Variants in TMEM121B observed in about 807,000 individuals in gnomAD.
TMEM121B encodes the protein transmembrane protein 121B, also known as cat eye syndrome chromosome region, candidate 6.
TMEM121B carries 14 observed loss-of-function variants against 25.1 expected under a neutral mutation model. That is an observed-to-expected ratio of 0.56 (90% CI 0.37 to 0.87). The LOEUF is 0.87. TMEM121B is among the 40% of genes least tolerant of loss of function. TMEM121B has a pLI of 0.00. For missense variants in TMEM121B, 850 were observed against 854.6 expected (o/e 0.99, Z 0.07); for synonymous variants, 458 against 420.9 (o/e 1.09, Z -1.08).
At position 17,121,333 on chromosome 22, in the gene TMEM121B, G is replaced by C. The variant is rs1258892273; in HGVS notation, c.-206C>G. 54 of 355,570 alleles carry C rather than the reference G, an allele frequency of 1.5e-4. No homozygotes were observed. Among genetic ancestry groups the C allele is most frequent in the Non-Finnish European group, 2.4e-5 (5 of 206,322 alleles). 22.0% of individuals were successfully genotyped at this position (355,570 alleles called of 1,614,324 possible). On this transcript the variant is annotated 5_prime_UTR_variant, in exon 1 of 1. Coordinates refer to ENST00000331437, the MANE Select transcript of TMEM121B (RefSeq NM_031890.4). ...CGGGCGGCAGGGAGAGGGGGCAGGC[G>C]GTGAACCGAGCGGACCGCGGTGAAG...
At position 17,116,347 on chromosome 22, in the gene TMEM121B, A is replaced by T. The variant is rs1418222198; in HGVS notation, c.*3044T>A. The T allele has an allele frequency of 6.6e-6, 1 of 152,636 alleles. No individual in the cohort carries two copies. The highest frequency in any genetic ancestry group is 1.5e-5 in the Non-Finnish European group (1 of 68,042). 9.5% of individuals were successfully genotyped at this position (152,636 alleles called of 1,614,324 possible). ...CAGAACAGAGTCTGGTTTTATTTTT[A>T]AAAAGAGAAGGAAAAAAGTGATAAA... On this transcript the variant is annotated 3_prime_UTR_variant, in exon 1 of 1. Coordinates refer to ENST00000331437, the MANE Select transcript of TMEM121B (RefSeq NM_031890.4).
At position 17,116,711 on chromosome 22, in the gene TMEM121B, G is replaced by A. The variant is rs1176286620; in HGVS notation, c.*2680C>T. ...TTGCCCCTTCACTAGGGATGCCCTA[G>A]AAAGCAAGGGCAAAGGAAGCTTTAG... On this transcript the variant is annotated 3_prime_UTR_variant, in exon 1 of 1. Transcript: ENST00000331437. The A allele has an allele frequency of 1.3e-5, 2 of 152,320 alleles. No homozygotes were observed. The highest frequency in any genetic ancestry group is 2.9e-5 in the Non-Finnish European group (2 of 68,100). 9.4% of individuals were successfully genotyped at this position (152,320 alleles called of 1,614,324 possible).
rs1349354408 is a variant in TMEM121B, at chr22:17,119,674, C to T, written c.1454G>A (p.Arg485His). The change falls in exon 1 of 1, where the codon CGC becomes CAC. Residue 485 changes from arginine to histidine, a missense_variant. Transcript: ENST00000331437. The stretch of plus-strand genomic sequence containing the variant: ...CTGGTAGCTGACCACCAGGAGGCAG[C>T]GCAGCGCCAGCAAGGGCACGTCCAC... ...CLVDVPLLALRCLLVVSYQQP... is the reference protein window; with the variant it reads ...CLVDVPLLALHCLLVVSYQQP... The T allele has an allele frequency of 6.5e-7, 1 of 1,542,946 alleles. No homozygotes were observed. Among genetic ancestry groups the T allele is most frequent in the Non-Finnish European group, 8.7e-7 (1 of 1,150,890 alleles).
Position 17,119,325 on chromosome 22 carries a change from C to T in TMEM121B, c.*66G>A, listed in dbSNP as rs2061483615. On this transcript the variant is annotated 3_prime_UTR_variant, in exon 1 of 1. Coordinates refer to ENST00000331437, the MANE Select transcript of TMEM121B (RefSeq NM_031890.4). Reference sequence around the variant, plus strand: ...ATAGACCCTGATCAAATCTAGGTGACAGAAGGTAGAAGACAAGGGGGTTGG... The same window carrying T: ...ATAGACCCTGATCAAATCTAGGTGATAGAAGGTAGAAGACAAGGGGGTTGG... 6.6e-7 allele frequency: 1 copy of T among 1,522,214 alleles called. No homozygotes were observed. Among genetic ancestry groups the T allele is most frequent in the South Asian group, 1.3e-5 (1 of 78,612 alleles). 94.3% of individuals were successfully genotyped at this position (1,522,214 alleles called of 1,614,324 possible).
rs1188954060 is a variant in TMEM121B at position 17,120,892 on chromosome 22, T to C, written c.236A>G (p.Asp79Gly). The C allele has an allele frequency of 1.4e-6, 2 of 1,391,588 alleles. No homozygotes were observed. The highest frequency in any genetic ancestry group is 1.9e-6 in the Non-Finnish European group (2 of 1,073,654). 86.2% of individuals were successfully genotyped at this position (1,391,588 alleles called of 1,614,324 possible). The change falls in exon 1 of 1, where the codon GAC becomes GGC. Residue 79 changes from aspartate to glycine, a missense_variant. Physicochemically the swap from Asp to Gly is moderately conservative, Grantham distance 94 (BLOSUM62 -1). Transcript: ENST00000331437. ...SSSTGAERED[D>G]DESLSVSKPL... ...CTTGCTGACGCTGAGGCTCTCGTCG[T>C]CGTCCTCGCGCTCGGCGCCCGTGCT...
Position 17,116,394 on chromosome 22 carries a change from C to T in TMEM121B, c.*2997G>A, listed in dbSNP as rs1215542445. 6.6e-6 allele frequency: 1 copy of T among 152,544 alleles called. No individual in the cohort carries two copies. The highest frequency in any genetic ancestry group is 1.9e-4 in the East Asian group (1 of 5,202). 9.4% of individuals were successfully genotyped at this position (152,544 alleles called of 1,614,324 possible). ...TAAATGCTAGTGAGGTGCCACTTCC[C>T]TCCTTCTTCCAGGCTCTAACCGCCA... On this transcript the variant is annotated 3_prime_UTR_variant, in exon 1 of 1. Transcript: ENST00000331437.
Position 17,116,342 on chromosome 22 carries a change from T to C in TMEM121B, c.*3049A>G, listed in dbSNP as rs766872629. 2 of 152,668 alleles carry C rather than the reference T, an allele frequency of 1.3e-5. No homozygotes were observed. The highest frequency in any genetic ancestry group is 2.9e-5 in the Non-Finnish European group (2 of 68,052). The allele number at this position is 152,668 out of a possible 1,614,324, so 9.5% of individuals were successfully genotyped here. On this transcript the variant is annotated 3_prime_UTR_variant, in exon 1 of 1. Coordinates refer to ENST00000331437, the MANE Select transcript of TMEM121B (RefSeq NM_031890.4). ...ATTTTCAGAACAGAGTCTGGTTTTATTTTTAAAAAGAGAAGGAAAAAAGTG... is the reference window on the plus strand; with the variant it reads ...ATTTTCAGAACAGAGTCTGGTTTTACTTTTAAAAAGAGAAGGAAAAAAGTG...
rs1395548824 is a variant in TMEM121B at position 17,120,880 on chromosome 22, A to G, written c.248T>C (p.Leu83Pro). The G allele has an allele frequency of 3.6e-6, 5 of 1,381,180 alleles. No individual in the cohort carries two copies. In the East Asian group the frequency reaches 1.3e-4, roughly 35 times the overall value. 85.6% of individuals were successfully genotyped at this position (1,381,180 alleles called of 1,614,324 possible). A position where few individuals can be genotyped will look rare whatever the true frequency, so the allele number is the denominator to read the frequency against. The change falls in exon 1 of 1, where the codon CTC becomes CCC. Residue 83 changes from leucine (L) to proline (P), a missense_variant. Physicochemically the swap from Leu to Pro is moderately conservative, Grantham distance 98 (BLOSUM62 -3). Coordinates refer to ENST00000331437, the MANE Select transcript of TMEM121B (RefSeq NM_031890.4). ...GAEREDDDES[L>P]SVSKPLVPNA... ...GGGCACCAGCGGCTTGCTGACGCTGAGGCTCTCGTCGTCGTCCTCGCGCTC... is the reference window on the plus strand; with the variant it reads ...GGGCACCAGCGGCTTGCTGACGCTGGGGCTCTCGTCGTCGTCCTCGCGCTC...
rs2061484023 is a variant in TMEM121B at position 17,119,377 on chromosome 22, C to T, written c.*14G>A. The T allele has an allele frequency of 1.9e-6, 3 of 1,577,218 alleles. No individual in the cohort carries two copies. The highest frequency in any genetic ancestry group is 1.9e-5 in the Admixed American group (1 of 53,522). ...GACTCTCAACCCAAAAACAAGGACC[C>T]GTGCCCTTCACCCTCAATTCTGAGA... On this transcript the variant is annotated 3_prime_UTR_variant, in exon 1 of 1. Transcript: ENST00000331437.
In TMEM121B at chr22:17,120,926, G is replaced by C. The variant is rs888615770; in HGVS notation, c.202C>G (p.Pro68Ala). 2.8e-6 allele frequency: 4 copies of C among 1,406,668 alleles called. No homozygotes were observed. The East Asian group carries it at 1.2e-4, about 44-fold the overall frequency. 87.1% of individuals were successfully genotyped at this position (1,406,668 alleles called of 1,614,324 possible). The change falls in exon 1 of 1, where the codon CCG becomes GCG. Residue 68 changes from proline to alanine, a missense_variant. By Grantham distance (27) the Pro-to-Ala change is conservative (BLOSUM62 -1). Transcript: ENST00000331437. ...CGCTCGGCGCCCGTGCTGCTGCTCG[G>C]GGAGCCGCCGCCCCCGCCGCGTCTG... Reference protein sequence around the residue: ...GGRRGGGGGSPSSSTGAERED... With the variant: ...GGRRGGGGGSASSSTGAERED...
chr22:17,117,354 T>C lies in TMEM121B; in HGVS notation c.*2037A>G, dbSNP rs1238230869. 1 of 152,724 alleles carries C rather than the reference T, an allele frequency of 6.5e-6. No homozygotes were observed. The highest frequency in any genetic ancestry group is 1.9e-4 in the East Asian group (1 of 5,200). 9.5% of individuals were successfully genotyped at this position (152,724 alleles called of 1,614,324 possible). On this transcript the variant is annotated 3_prime_UTR_variant, in exon 1 of 1. Coordinates refer to ENST00000331437, the MANE Select transcript of TMEM121B (RefSeq NM_031890.4). The stretch of plus-strand genomic sequence containing the variant: ...GATTGTGCATGGAGTGTAAACATTT[T>C]CCCCCGCTGTTCCCTGCTCTGAGAG...
rs1271222155 is a variant in TMEM121B at position 17,119,346 on chromosome 22, G to A, written c.*45C>T. Reference sequence around the variant, plus strand: ...GTGACAGAAGGTAGAAGACAAGGGGGTTGGGGACTCTCAACCCAAAAACAA... The same window carrying A: ...GTGACAGAAGGTAGAAGACAAGGGGATTGGGGACTCTCAACCCAAAAACAA... On this transcript the variant is annotated 3_prime_UTR_variant, in exon 1 of 1. Transcript: ENST00000331437. 1 of 1,536,548 alleles carries A rather than the reference G, an allele frequency of 6.5e-7. No homozygotes were observed.
Position 17,117,628 on chromosome 22 carries a change from C to G in TMEM121B, c.*1763G>C, listed in dbSNP as rs2061476175. The stretch of plus-strand genomic sequence containing the variant: ...GCACCCAAGCCCTCCCTCCGGCCTT[C>G]TCTGCTGGGGCTTCACACACCCAGT... On this transcript the variant is annotated 3_prime_UTR_variant, in exon 1 of 1. Coordinates refer to ENST00000331437, the MANE Select transcript of TMEM121B (RefSeq NM_031890.4). The G allele has an allele frequency of 1.3e-5, 2 of 152,604 alleles. No individual in the cohort carries two copies. Among genetic ancestry groups the G allele is most frequent in the Admixed American group, 1.3e-4 (2 of 15,274 alleles). The allele number at this position is 152,604 out of a possible 1,614,324, so 9.5% of individuals were successfully genotyped here.
chr22:17,119,235 G>T lies in TMEM121B; in HGVS notation c.*156C>A. 1 of 1,133,272 alleles carries T rather than the reference G, an allele frequency of 8.8e-7. No individual in the cohort carries two copies. Among genetic ancestry groups the T allele is most frequent in the South Asian group, 1.6e-5 (1 of 60,884 alleles). The allele number at this position is 1,133,272 out of a possible 1,614,324, so 70.2% of individuals were successfully genotyped here. On this transcript the variant is annotated 3_prime_UTR_variant, in exon 1 of 1. Transcript: ENST00000331437. ...TTAACTGCTGGTCTCCCTCCAAGCC[G>T]TCCTCACCCCAGGGTGCAGAAGAAC...
At position 17,120,964 on chromosome 22, in the gene TMEM121B, C is replaced by T. The variant is rs2061496980; in HGVS notation, c.164G>A (p.Gly55Glu). 1 of 1,426,468 alleles carries T rather than the reference C, an allele frequency of 7.0e-7. No homozygotes were observed. Among genetic ancestry groups the T allele is most frequent in the Non-Finnish European group, 9.2e-7 (1 of 1,091,844 alleles). The allele number at this position is 1,426,468 out of a possible 1,614,324, so 88.4% of individuals were successfully genotyped here. ...DSSTSTSTSR[G>E]GGGGRRGGGG... ...CCCGCCGCGTCTGCCGCCGCCTCCC[C>T]CGCGGCTGGTGCTGGTGCTGGTGCT... is the stretch of plus-strand genomic sequence containing the variant. The change falls in exon 1 of 1, where the codon GGG becomes GAG. Residue 55 changes from glycine to glutamate, a missense_variant. Coordinates refer to ENST00000331437, the MANE Select transcript of TMEM121B (RefSeq NM_031890.4).
In TMEM121B at chr22:17,118,728, C is replaced by T. The variant is rs1446212975; in HGVS notation, c.*663G>A. ...TGAGGAAGATCCTGGGTGAGATTCT[C>T]CCTTCAAGGGGAGTACCTGGGCAGC... On this transcript the variant is annotated 3_prime_UTR_variant, in exon 1 of 1. Coordinates refer to ENST00000331437, the MANE Select transcript of TMEM121B (RefSeq NM_031890.4). The T allele has an allele frequency of 3.3e-5, 5 of 152,474 alleles. No individual in the cohort carries two copies. The highest frequency in any genetic ancestry group is 1.2e-4 in the African/African-American group (5 of 41,380). 9.4% of individuals were successfully genotyped at this position (152,474 alleles called of 1,614,324 possible). A position where few individuals can be genotyped will look rare whatever the true frequency, so the allele number is the denominator to read the frequency against.
In TMEM121B at chr22:17,120,464, C is replaced by T. The variant is rs749391815; in HGVS notation, c.664G>A (p.Val222Ile). 4 of 1,585,850 alleles carry T rather than the reference C, an allele frequency of 2.5e-6. No individual in the cohort carries two copies. In the South Asian group the frequency reaches 4.5e-5, roughly 18 times the overall value. Residue 222 changes from valine to isoleucine, a missense_variant, in exon 1 of 1, where the codon GTC (valine) becomes ATC (isoleucine). By Grantham distance (29) the Val-to-Ile change is conservative. Transcript: ENST00000331437. ...GGLLDLYLIA[V>I]TDLYWCSWIA... ...CAGGAGCACCAGTACAGGTCGGTGA[C>T]GGCGATGAGGTACAGGTCCAGCAGG...
Position 17,121,097 on chromosome 22 carries a change from C to A in TMEM121B, c.31G>T (p.Val11Phe). Reference sequence around the variant, plus strand: ...GGGAAGGAACCGGACGCGGAGGAGACCGAGCGAGGGTGGCCGAGCGCCGGG... The same window carrying A: ...GGGAAGGAACCGGACGCGGAGGAGAACGAGCGAGGGTGGCCGAGCGCCGGG... Reference protein sequence around the residue: MRPALGHPRSVSSASGSFPPP... With the variant: MRPALGHPRSFSSASGSFPPP... Residue 11 changes from valine (V) to phenylalanine (F), a missense_variant, in exon 1 of 1, where the codon GTC (valine) becomes TTC (phenylalanine). Physicochemically the swap from Val to Phe is conservative, Grantham distance 50. Coordinates refer to ENST00000331437, the MANE Select transcript of TMEM121B (RefSeq NM_031890.4). 1 of 1,429,704 alleles carries A rather than the reference C, an allele frequency of 7.0e-7. No individual in the cohort carries two copies. Among genetic ancestry groups the A allele is most frequent in the Non-Finnish European group, 9.2e-7 (1 of 1,091,308 alleles). 88.6% of individuals were successfully genotyped at this position (1,429,704 alleles called of 1,614,324 possible).
In TMEM121B at chr22:17,119,854, C is replaced by T. The variant is rs778724970; in HGVS notation, c.1274G>A (p.Arg425His). 1.3e-6 allele frequency: 2 copies of T among 1,581,350 alleles called. No homozygotes were observed. Among genetic ancestry groups the T allele is most frequent in the Non-Finnish European group, 1.7e-6 (2 of 1,171,492 alleles). ...GAAGTAGACGGCGATAAGCAGGTAG[C>T]GCAGGTGCGCGGGCAGCGGCACGCG... is the stretch of plus-strand genomic sequence containing the variant. ...EGRVPLPAHLRYLLIAVYFLT... is the reference protein window; with the variant it reads ...EGRVPLPAHLHYLLIAVYFLT... Residue 425 changes from arginine to histidine, a missense_variant, in exon 1 of 1, where the codon CGC becomes CAC. Arg to His is a conservative substitution (Grantham distance 29). Transcript: ENST00000331437.
Sources: gnomAD v4.1 joint callset for allele counts on GRCh38, gnomAD v4.1.1 for gene constraint, MANE v1.5 for transcripts, NCBI Gene and HGNC (gene_info 2026-07-23, HGNC 2026-07-21) for gene names.